Variants in SLC35E2B observed in about 807,000 individuals in gnomAD.
SLC35E2B encodes solute carrier family 35 member E2B.
Under a neutral mutation model 32.4 loss-of-function variants are expected in SLC35E2B, and 18 were observed. The observed-to-expected ratio is 0.56, with a 90% confidence interval of 0.38 to 0.82. SLC35E2B has a LOEUF of 0.82. Ranked by LOEUF, SLC35E2B falls within the 40% of genes least tolerant of loss-of-function variation. The pLI is 0.00. For missense variants in SLC35E2B, 263 were observed against 469.5 expected (o/e 0.56, Z 4.06); for synonymous variants, 132 against 209.1 (o/e 0.63, Z 3.18).
chr1:1,692,656 T>C lies in SLC35E2B; in HGVS notation c.-773A>G, dbSNP rs1007241215. 1.0e-6 allele frequency: 1 copy of C among 982,734 alleles called. No homozygotes were observed. Among genetic ancestry groups the C allele is most frequent in the African/African-American group, 1.8e-5 (1 of 56,758 alleles). 60.9% of individuals were successfully genotyped at this position (982,734 alleles called of 1,614,324 possible). On this transcript the variant is annotated 5_prime_UTR_variant, in exon 1 of 10. Transcript: ENST00000617444. Reference sequence around the variant, plus strand: ...CACGGGGCGCCCGCGGGACCGGAAATGACGCGCAGAACCCTGCATCGGGCT... The same window carrying C: ...CACGGGGCGCCCGCGGGACCGGAAACGACGCGCAGAACCCTGCATCGGGCT...
chr1:1,666,136 C>T, intron 9 of SLC35E2B, 117 bp from the exon 10 acceptor site: 1 of 1,234,286 alleles, frequency 8.1e-7, no homozygotes. Context: ...GACTCAGCGT[C>T]ACGGTGACAT....
intron 5 of SLC35E2B, among the ~76,000 whole-genome samples, chr1:1,673,849 G>A (rs1289356491): frequency 6.6e-6 from 1 of 150,796 alleles, no homozygotes; most frequent in South Asian, 2.1e-4. Context: ...TGTAGTCCCA[G>A]CTACTCAGGA....
intron 9 of SLC35E2B, 52 bp from the exon 10 acceptor site, chr1:1,666,071 G>A: frequency 2.6e-6 from 4 of 1,512,002 alleles, no homozygotes; most frequent in Non-Finnish European, 3.6e-6. Flanking sequence ...GGTCTCCTCA[G>A]CCCGTGGCCA....
At chr1:1,670,539 G>C (rs191434328) in intron 6 of SLC35E2B, 1 of 169,808 alleles carries the variant, frequency 5.9e-6, no homozygotes, top group African/African-American at 2.4e-5. Flanking sequence ...CTCTTTCCTC[G>C]GCCTCCCCAG....
At chr1:1,683,437 T>TA (rs1308595391) in intron 2 of SLC35E2B, among the ~76,000 whole-genome samples, 3 of 152,258 alleles carry the variant, frequency 2.0e-5, no homozygotes, top group South Asian at 4.1e-4. Flanking sequence ...AGAAAGCACT[T>TA]ACGTTAAAAG....
At position 1,669,892 on chromosome 1, in the gene SLC35E2B, G is replaced by A. The variant is rs560995666; in HGVS notation, c.762-156C>T. The A allele has an allele frequency of 4.4e-4, 400 of 906,062 alleles. 6 individuals carry two copies. Among genetic ancestry groups the A allele is most frequent in the South Asian group, 1.9e-3 (136 of 69,758 alleles). 56.1% of individuals were successfully genotyped at this position (906,062 alleles called of 1,614,324 possible). A position where few individuals can be genotyped will look rare whatever the true frequency, so the allele number is the denominator to read the frequency against. On this transcript the variant is annotated intron_variant, in intron 7 of 9. Transcript: ENST00000617444. Reference sequence around the variant, plus strand: ...GCTGCAGCTTCCCAGAAATGAAAACGCAAACGCACACCAGGCTGGCTGAGG... The same window carrying A: ...GCTGCAGCTTCCCAGAAATGAAAACACAAACGCACACCAGGCTGGCTGAGG...
At chr1:1,685,343 G>A (rs1357110956) in intron 2 of SLC35E2B, among the ~76,000 whole-genome samples, 1 of 149,550 alleles carries the variant, frequency 6.7e-6, no homozygotes, top group Non-Finnish European at 1.5e-5. Context: ...GAGTCTGGGA[G>A]GATGAGCCTG....
rs115371463 is a variant in SLC35E2B at position 1,683,310 on chromosome 1, C to T, written c.-147-6464G>A. ...GGGCTGGATCCCACAAGACTGCCCC[C>T]TCCTCAGATGCTGGTCAGCCTGTGG... On this transcript the variant is annotated intron_variant, in intron 2 of 9. Coordinates refer to ENST00000617444, the MANE Select transcript of SLC35E2B (RefSeq NM_001290264.2). 6.2e-3 allele frequency among the ~76,000 whole-genome samples: 949 copies of T among 152,290 alleles called. 10 individuals carry two copies. Among genetic ancestry groups the T allele is most frequent in the African/African-American group, 0.022 (909 of 41,544 alleles).
intron 2 of SLC35E2B, among the ~76,000 whole-genome samples, chr1:1,679,789 G>A (rs545340063): frequency 2.1e-4 from 28 of 136,504 alleles, no homozygotes; most frequent in African/African-American, 3.1e-4. Flanking sequence ...CTGAGATCGC[G>A]CCATTGCACC....
In SLC35E2B at chr1:1,671,669, G is replaced by A. The variant is rs1287077491; in HGVS notation, c.587-40C>T. ...GCCCCTGTGAGTGGCTGACCCGCCG[G>A]GCGGACGCTCCCTCCCGAGGGCCAG... On this transcript the variant is annotated intron_variant, in intron 5 of 9. Transcript: ENST00000617444. 6 of 1,479,374 alleles carry A rather than the reference G, an allele frequency of 4.1e-6. No individual in the cohort carries two copies. The South Asian group carries it at 8.0e-5, about 20-fold the overall frequency. 91.6% of individuals were successfully genotyped at this position (1,479,374 alleles called of 1,614,324 possible). A position where few individuals can be genotyped will look rare whatever the true frequency, so the allele number is the denominator to read the frequency against.
At chr1:1,683,777 C>T (rs1643920382) in intron 2 of SLC35E2B, among the ~76,000 whole-genome samples, 1 of 152,092 alleles carries the variant, frequency 6.6e-6, no homozygotes, top group Non-Finnish European at 1.5e-5. Flanking sequence ...GCATAAGCTC[C>T]GGGGTGATCT....
chr1:1,692,537 G>A lies in SLC35E2B; in HGVS notation c.-654C>T, dbSNP rs1644027811. On this transcript the variant is annotated 5_prime_UTR_variant, in exon 1 of 10. Transcript: ENST00000617444. ...GGACGCTGGCGGGCGGGGCCTGAGA[G>A]GCGCGCGGTGGAGGGGCCGGGCGCG... The A allele has an allele frequency of 1.0e-6, 1 of 986,194 alleles. No homozygotes were observed. The highest frequency in any genetic ancestry group is 4.7e-5 in the South Asian group (1 of 21,364). 61.1% of individuals were successfully genotyped at this position (986,194 alleles called of 1,614,324 possible).
At position 1,665,880 on chromosome 1, in the gene SLC35E2B, G is replaced by A; in HGVS notation, c.1120C>T (p.Gln374Ter). The change falls in exon 10 of 10, where the codon CAG becomes TAG. Residue 374 changes from glutamine (Q) to a stop codon, truncating the protein, a stop_gained. Coordinates refer to ENST00000617444, the MANE Select transcript of SLC35E2B (RefSeq NM_001290264.2). LOFTEE classifies it high-confidence loss of function. Reference protein sequence around the residue: ...VLLYNKARQHQQEALQSLAAA... With the variant: ...VLLYNKARQH ...GCCAGGCTCTGCAGCGCCTCCTGCT[G>A]GTGTTGCCTGGCTTTGTTGTAGAGC... 1.9e-6 allele frequency: 3 copies of A among 1,551,164 alleles called. No homozygotes were observed. Among genetic ancestry groups the A allele is most frequent in the Non-Finnish European group, 2.6e-6 (3 of 1,146,992 alleles).
At chr1:1,678,678 C>T (rs553550471) in intron 2 of SLC35E2B, among the ~76,000 whole-genome samples, 41 of 152,080 alleles carry the variant, frequency 2.7e-4, no homozygotes, top group South Asian at 4.2e-4. Flanking sequence ...ATCCACTCCT[C>T]GGGCCACTGA....
chr1:1,665,828 T>C lies in SLC35E2B; in HGVS notation c.1172A>G (p.Asp391Gly), dbSNP rs1643527613. 2 of 1,550,966 alleles carry C rather than the reference T, an allele frequency of 1.3e-6. No individual in the cohort carries two copies. Among genetic ancestry groups the C allele is most frequent in the South Asian group, 2.4e-5 (2 of 84,052 alleles). ...LAAATGRAPD[D>G]TVEPLLPQDP... ...CTGTGGAAGCAGCGGCTCCACTGTG[T>C]CGTCTGGGGCCCGGCCAGTGGCTGC... Residue 391 changes from aspartate (D) to glycine (G), a missense_variant, in exon 10 of 10, where the codon GAC becomes GGC. Coordinates refer to ENST00000617444, the MANE Select transcript of SLC35E2B (RefSeq NM_001290264.2).
At chr1:1,670,017 TG>T in intron 7 of SLC35E2B, 80 bp downstream of exon 7, 1 of 1,252,638 alleles carries the variant, frequency 8.0e-7, no homozygotes, top group South Asian at 1.3e-5. Context: ...GTCAGGCCTG[TG>T]GGGTGTTCTG....
In SLC35E2B at chr1:1,668,592, A is replaced by G. The variant is rs1643603493; in HGVS notation, c.835-120T>C. 3 of 1,588,286 alleles carry G rather than the reference A, an allele frequency of 1.9e-6. No homozygotes were observed. In the South Asian group the frequency reaches 3.4e-5, roughly 18 times the overall value. ...GGGTAAAGCTGCTGCCACTGAGGAC[A>G]GCCCTGAAAATGCCTCGAGCGGACA... On this transcript the variant is annotated intron_variant, in intron 8 of 9. Coordinates refer to ENST00000617444, the MANE Select transcript of SLC35E2B (RefSeq NM_001290264.2).
intron 2 of SLC35E2B, among the ~76,000 whole-genome samples, chr1:1,677,809 G>A (rs990925286): frequency 1.3e-5 from 2 of 151,818 alleles, no homozygotes; most frequent in South Asian, 2.1e-4. Flanking sequence ...CCCGCTTCAC[G>A]CTCAGGCGAC....
intron 5 of SLC35E2B, chr1:1,674,422 C>T (rs1308223427): frequency 1.3e-5 from 2 of 152,096 alleles, no homozygotes; most frequent in Non-Finnish European, 2.9e-5. Flanking sequence ...AAATGACTAA[C>T]GTATATTCAC....
Sources: allele counts gnomAD v4.1 joint callset (sites outside exome capture counted in the v4.1 genomes callset), GRCh38; gene constraint gnomAD v4.1.1; transcripts MANE v1.5; gene names NCBI Gene and HGNC (gene_info 2026-07-23, HGNC 2026-07-21).